Variants in ADCY3 observed in about 807,000 individuals in gnomAD.
ADCY3 encodes adenylate cyclase type 3.
Under a neutral mutation model 119.4 loss-of-function variants are expected in ADCY3, and 70 were observed. The observed-to-expected ratio is 0.59, with a 90% CI of 0.48 to 0.72. The LOEUF is 0.72. ADCY3 is among the 30% of genes least tolerant of loss of function. The probability of loss-of-function intolerance (pLI) is 0.00; values close to 1 mark genes in which losing one functional copy is unlikely to be tolerated. For synonymous variants in ADCY3, 672 were observed against 621.4 expected (o/e 1.08, Z -1.21); for missense variants, 1,238 against 1,541.6 (o/e 0.80, Z 3.30).
At chr2:24,830,615 G>A (rs1258778162) in intron 13 of ADCY3, 94 bp downstream of exon 13, 1 of 901,340 alleles carries the variant, frequency 1.1e-6, no homozygotes, top group Non-Finnish European at 1.8e-6. Context: ...TGACGGTGGA[G>A]GGATGGACTG....
At chr2:24,825,924 TG>T in intron 16 of ADCY3, 120 bp downstream of exon 16, 2 of 920,026 alleles carry the variant, frequency 2.2e-6, no homozygotes, top group Non-Finnish European at 3.4e-6. Flanking sequence ...GGCTCACGTG[TG>T]GGGCTGGGTG....
intron 3 of ADCY3, among the ~76,000 whole-genome samples, chr2:24,849,468 CAG>C (rs779187894): frequency 5.3e-5 from 8 of 152,186 alleles, no homozygotes; most frequent in Non-Finnish European, 5.9e-5. Flanking sequence ...GGGGGTGGGA[CAG>C]GGGGAATTTC....
At chr2:24,822,806 T>C (rs1421223315) in intron 18 of ADCY3, among the ~76,000 whole-genome samples, 176 bp from the exon 19 acceptor site, 35 of 152,214 alleles carry the variant, frequency 2.3e-4, no homozygotes, top group Non-Finnish European at 1.5e-5. Flanking sequence ...ACTTCCTAAC[T>C]TTCTGGGCCT....
chr2:24,901,080 T>G (rs1393551206), intron 2 of ADCY3, among the ~76,000 whole-genome samples: 1 of 151,092 alleles, frequency 6.6e-6, no homozygotes, highest in African/African-American at 2.4e-5. Context: ...AAAAGGAAAA[T>G]GAAAGAACCA....
At chr2:24,823,463 G>GATGAT (rs1668094642) in intron 17 of ADCY3, 108 bp from the exon 18 acceptor site, 24 of 1,214,018 alleles carry the variant, frequency 2.0e-5, no homozygotes, top group Non-Finnish European at 2.7e-5. Context: ...CAGCTTTTTG[G>GATGAT]ACTCACACAT....
chr2:24,902,516 G>A (rs1315720031), intron 2 of ADCY3, among the ~76,000 whole-genome samples: 16 of 152,048 alleles, frequency 1.1e-4, no homozygotes, highest in Middle Eastern at 3.2e-3. Context: ...TCCCAGCCCC[G>A]TGGAGTGTCT....
Position 24,918,570 on chromosome 2 carries a change from G to A in ADCY3, c.418C>T (p.Pro140Ser), listed in dbSNP as rs1664744069. The A allele has an allele frequency of 1.2e-6, 2 of 1,614,148 alleles. No homozygotes were observed. Among genetic ancestry groups the A allele is most frequent in the Non-Finnish European group, 1.7e-6 (2 of 1,180,042 alleles). Residue 140 changes from proline (P) to serine (S), a missense_variant, in exon 2 of 22, where the codon CCC becomes TCC. By Grantham distance (74) the Pro-to-Ser change is moderately conservative (BLOSUM62 -1). This residue lies in a region of ADCY3 where 227 missense variants were observed against 249.3 expected (regional missense o/e 0.91). Transcript: ENST00000679454. The surrounding 1 kb of genome is among the most constrained non-coding windows in gnomAD (Gnocchi z 5.4). ...GTTATGAGCAGCCACAGCACGTAGG[G>A]CAGCACTCTGCGGGTGACCCGGTCC... ...LPDRVTRRVL[P>S]YVLWLLITAQ... is the part of the protein sequence containing the mutation.
At position 24,824,374 on chromosome 2, in the gene ADCY3, T is replaced by TCA. The variant is rs769983667; in HGVS notation, c.2736+2_2736+3dup. The TCA allele has an allele frequency of 5.6e-6, 9 of 1,613,876 alleles. No individual in the cohort carries two copies. In the Admixed American group the frequency reaches 1.5e-4, roughly 27 times the overall value. On this transcript the variant is annotated splice_donor_region_variant and intron_variant, in intron 17 of 21. Coordinates refer to ENST00000679454, the MANE Select transcript of ADCY3 (RefSeq NM_004036.5). Reference sequence around the variant, plus strand: ...TGGTTCCGGGCTGAGACCACACCCCTCACCTCATCTCTCTTCTTGGACCCC... The same window carrying TCA: ...TGGTTCCGGGCTGAGACCACACCCCTCACACCTCATCTCTCTTCTTGGACCCC...
chr2:24,884,339 G>A (rs11675013), intron 2 of ADCY3, among the ~76,000 whole-genome samples: 48,836 of 151,906 alleles, frequency 0.32, 8,042 homozygotes, highest in South Asian at 0.39. Flanking sequence ...TAGTAGATAT[G>A]AAAACAAGGC....
intron 13 of ADCY3, among the ~76,000 whole-genome samples, chr2:24,829,641 T>TC (rs1405968854): frequency 4.0e-5 from 6 of 151,146 alleles, no homozygotes; most frequent in South Asian, 4.2e-4. Flanking sequence ...CCAGGATGAT[T>TC]TCGATCTCCT....
At chr2:24,897,262 TCTC>T (rs953391188) in intron 2 of ADCY3, among the ~76,000 whole-genome samples, 22 of 148,466 alleles carry the variant, frequency 1.5e-4, no homozygotes, top group Admixed American at 1.0e-3. Context: ...TCCTCCCCCT[TCTC>T]CTCCTCCTCC....
intron 2 of ADCY3, among the ~76,000 whole-genome samples, chr2:24,885,463 C>T (rs1400159095): frequency 3.9e-5 from 6 of 152,250 alleles, no homozygotes; most frequent in Non-Finnish European, 7.3e-5. Context: ...GCACCCAACA[C>T]GGCGCAGGTC....
At chr2:24,847,113 C>T (rs1671740400) in intron 3 of ADCY3, among the ~76,000 whole-genome samples, 1 of 152,166 alleles carries the variant, frequency 6.6e-6, no homozygotes, top group South Asian at 2.1e-4. Flanking sequence ...TCCCAGAATT[C>T]TCACATGTTG....
In ADCY3 at chr2:24,853,005, G is replaced by GGTGTGTGTGT. The variant is rs58904311; in HGVS notation, c.826-10631_826-10622dup. ...ATTTGAAGGAAAGGAACAGCTGGAG[G>GGTGTGTGTGT]GTGTGTGTGTGTGTGTGTGTGTGTG... On this transcript the variant is annotated intron_variant, in intron 3 of 21. Transcript: ENST00000679454. Among the ~76,000 whole-genome samples, 29 of 95,368 alleles carry GGTGTGTGTGT rather than the reference G, an allele frequency of 3.0e-4. 1 individual carries two copies. The highest frequency in any genetic ancestry group is 1.5e-3 in the East Asian group (5 of 3,316). 62.6% of individuals were successfully genotyped at this position (95,368 alleles called of 152,430 possible).
At chr2:24,889,519 C>T (rs114859159) in intron 2 of ADCY3, among the ~76,000 whole-genome samples, 41 of 152,318 alleles carry the variant, frequency 2.7e-4, no homozygotes, top group African/African-American at 9.6e-4. Context: ...CAGGCTTCAG[C>T]TGCAAAACAT....
chr2:24,887,851 A>G (rs1677242890), intron 2 of ADCY3, among the ~76,000 whole-genome samples: 2 of 152,228 alleles, frequency 1.3e-5, no homozygotes, highest in Non-Finnish European at 2.9e-5. Flanking sequence ...TGATGTGTGT[A>G]AAGAGCCCAG....
In ADCY3 at chr2:24,821,510, T is replaced by C. The variant is rs1667709736; in HGVS notation, c.3127+7A>G. 2.5e-6 allele frequency: 4 copies of C among 1,613,658 alleles called. No individual in the cohort carries two copies. The highest frequency in any genetic ancestry group is 1.3e-5 in the African/African-American group (1 of 75,030). On this transcript the variant is annotated splice_region_variant and intron_variant, in intron 20 of 21. Coordinates refer to ENST00000679454, the MANE Select transcript of ADCY3 (RefSeq NM_004036.5). ...TGCTGCGGGGCAGGCCAGCTGGGGG[T>C]GCTCACCTATGCGCAGCATGAAGTT...
rs748948861 is a variant in ADCY3, at chr2:24,918,926, G to T, written c.62C>A (p.Ser21Tyr). The part of the protein sequence containing the change: ...EYSAEYSAEY[S>Y]VSLPSDPDRG... ...GTCAGGGTCGGAGGGCAGGCTGACG[G>T]AGTACTCGGCTGAGTACTCGGCCGA... The change falls in exon 2 of 22, where the codon TCC becomes TAC. Residue 21 changes from serine to tyrosine, a missense_variant. Around this residue, in one of 7 missense-constraint regions of ADCY3, gnomAD observed 227 missense variants for 249.3 expected, o/e 0.91. Transcript: ENST00000679454. The surrounding 1 kb of genome is among the most constrained non-coding windows in gnomAD (Gnocchi z 5.4). 2.5e-6 allele frequency: 4 copies of T among 1,611,964 alleles called. No homozygotes were observed. The highest frequency in any genetic ancestry group is 8.5e-7 in the Non-Finnish European group (1 of 1,179,870).
At chr2:24,859,919 C>A (rs1190227397) in intron 3 of ADCY3, among the ~76,000 whole-genome samples, 1 of 152,226 alleles carries the variant, frequency 6.6e-6, no homozygotes, top group Non-Finnish European at 1.5e-5. Flanking sequence ...CCTGTGCAGT[C>A]TGCCCTGGGC....
Sources: gnomAD v4.1 joint callset for allele counts (sites outside exome capture counted in the v4.1 genomes callset) on GRCh38, gnomAD v4.1.1 for gene constraint, gnomAD v4.1.1 regional missense constraint, Gnocchi (gnomAD v3.1) non-coding constraint, MANE v1.5 for transcripts, NCBI Gene and HGNC (gene_info 2026-07-23, HGNC 2026-07-21) for gene names.